FBXO34: variants seen among roughly 807,000 people sequenced by gnomAD.
FBXO34 encodes F-box protein 34.
Under a neutral mutation model 24.5 loss-of-function variants are expected in FBXO34, and 12 were observed. That is an observed-to-expected ratio of 0.49 (90% CI 0.31 to 0.79). The LOEUF is 0.79. Among genes scored for constraint, FBXO34 ranks in the 30% least tolerant of loss-of-function variants. The pLI, the probability that FBXO34 is intolerant of heterozygous loss-of-function variation, is 0.04. For missense variants in FBXO34, 823 were observed against 857.7 expected, an observed-to-expected ratio of 0.96 and a Z score of 0.51; for synonymous variants, 320 against 311.9, an observed-to-expected ratio of 1.03 and a Z score of -0.27.
downstream of FBXO34, chr14:55,369,816 C>T: frequency 2.5e-6 from 4 of 1,614,212 alleles, no homozygotes; most frequent in Non-Finnish European, 3.4e-6. Context: ...AGGTCGGTTT[C>T]TTCATCGCTG....
intron 1 of FBXO34, among the ~76,000 whole-genome samples, chr14:55,349,904 GC>G (rs1884287623): frequency 1.3e-5 from 2 of 151,976 alleles, no homozygotes; most frequent in Admixed American, 6.5e-5. Flanking sequence ...ACCATGCCCG[GC>G]CAGGAAGCAA....
the FBXO34 span, among the ~76,000 whole-genome samples, chr14:55,400,641 A>G: frequency 1.3e-5 from 2 of 152,136 alleles, no homozygotes; most frequent in South Asian, 4.1e-4. Flanking sequence ...GGTGGCTCAC[A>G]CCTGTAATCG....
chr14:55,375,273 A>C, the FBXO34 span, among the ~76,000 whole-genome samples: 1 of 152,176 alleles, frequency 6.6e-6, no homozygotes, highest in Non-Finnish European at 1.5e-5. Flanking sequence ...TTTTTCCATT[A>C]AATTTCCAAA....
the FBXO34 span, among the ~76,000 whole-genome samples, chr14:55,421,072 A>AAG: frequency 9.9e-5 from 15 of 151,588 alleles, no homozygotes; most frequent in Admixed American, 5.3e-4. Context: ...AAAAAAAAAA[A>AAG]AAAAAAGAAA....
At chr14:55,368,624 A>T (rs1884739097), downstream of FBXO34, 2 of 152,188 alleles carry the variant, frequency 1.3e-5, no homozygotes, top group Non-Finnish European at 2.9e-5. Flanking sequence ...CCTCAGAGCA[A>T]CAAAGAGTTC....
the FBXO34 span, among the ~76,000 whole-genome samples, chr14:55,412,302 C>T: frequency 6.6e-6 from 1 of 152,172 alleles, no homozygotes; most frequent in African/African-American, 2.4e-5. Context: ...GGGGCAAGTT[C>T]CTTAATCTCT....
chr14:55,431,117 C>A, the FBXO34 span, among the ~76,000 whole-genome samples: 5 of 152,178 alleles, frequency 3.3e-5, no homozygotes, highest in Admixed American at 6.5e-5. Flanking sequence ...ACACAGGTAT[C>A]CCTCATACTC....
the FBXO34 span, among the ~76,000 whole-genome samples, chr14:55,416,983 C>G: frequency 6.6e-6 from 1 of 152,096 alleles, no homozygotes; most frequent in Non-Finnish European, 1.5e-5. Flanking sequence ...GACTTCAGAC[C>G]GAAAATCATA....
downstream of FBXO34, chr14:55,369,602 G>GT: frequency 6.7e-7 from 1 of 1,495,846 alleles, no homozygotes; most frequent in Non-Finnish European, 8.9e-7. Context: ...GATTTGGTAT[G>GT]TTTTGGTCCA....
the FBXO34 span, chr14:55,395,300 C>A: frequency 3.6e-6 from 1 of 278,222 alleles, no homozygotes; most frequent in Non-Finnish European, 7.3e-6. Context: ...CTCAGCAAAG[C>A]CGGGCTGCCT....
intron 1 of FBXO34, among the ~76,000 whole-genome samples, chr14:55,323,184 CAAAAAAAAAAAAAAAAAAAA>C (rs368380622): frequency 2.5e-4 from 3 of 12,168 alleles, no homozygotes; most frequent in Non-Finnish European, 3.8e-4. Flanking sequence ...GACTCTGTCT[CAAAAAAAAAAAAAAAAAAAA>C]AAAAAAAAAA....
chr14:55,325,487 T>A (rs550706182), intron 1 of FBXO34, among the ~76,000 whole-genome samples: 10 of 152,190 alleles, frequency 6.6e-5, no homozygotes, highest in African/African-American at 1.9e-4. Context: ...AAATTATTTT[T>A]TTTTTGAGAT....
chr14:55,366,783 TTAAAC>T (rs1422948283), downstream of FBXO34: 1 of 152,674 alleles, frequency 6.5e-6, no homozygotes, highest in African/African-American at 2.4e-5. Context: ...GGCTTTTTGT[TTAAAC>T]AAAATACCAG....
Position 55,330,186 on chromosome 14 carries a change from C to A in FBXO34, c.-10-20195C>A, listed in dbSNP as rs530344564. Among the ~76,000 whole-genome samples, 24 of 152,210 alleles carry A rather than the reference C, an allele frequency of 1.6e-4. No individual in the cohort carries two copies. In the South Asian group the frequency reaches 4.8e-3, roughly 30 times the overall value. On this transcript the variant is annotated intron_variant, in intron 1 of 1. Transcript: ENST00000313833. Reference sequence around the variant, plus strand: ...GCGACTTAAAAATCTGACATTTTAACCTGATTGGTGGGTGTTCTTTCCACA... The same window carrying A: ...GCGACTTAAAAATCTGACATTTTAAACTGATTGGTGGGTGTTCTTTCCACA...
At chr14:55,328,257 C>T (rs572555668) in intron 1 of FBXO34, among the ~76,000 whole-genome samples, 11 of 151,990 alleles carry the variant, frequency 7.2e-5, no homozygotes, top group African/African-American at 1.5e-4. Flanking sequence ...CATACCTGGC[C>T]GATGTTTTTT....
chr14:55,370,222 T>A, downstream of FBXO34, among the ~76,000 whole-genome samples: 1 of 152,218 alleles, frequency 6.6e-6, no homozygotes, highest in East Asian at 1.9e-4. Flanking sequence ...CCCATGCTGG[T>A]CCTAAGTCTG....
At chr14:55,369,876 C>T (rs866680281), downstream of FBXO34, 1 of 1,614,088 alleles carries the variant, frequency 6.2e-7, no homozygotes. Context: ...CCGGGATCCA[C>T]AAATTCCATG....
chr14:55,429,125 A>G, the FBXO34 span: 3 of 919,122 alleles, frequency 3.3e-6, no homozygotes, highest in Non-Finnish European at 4.8e-6. Context: ...TACTTCCCAT[A>G]CTTTCGTCCC....
the FBXO34 span, chr14:55,436,567 T>C: frequency 1.9e-6 from 3 of 1,613,370 alleles, no homozygotes; most frequent in Non-Finnish European, 2.5e-6. Context: ...TTACTGTAGT[T>C]GAGGTACAAT....
Sources: allele counts gnomAD v4.1 joint callset (sites outside exome capture counted in the v4.1 genomes callset), GRCh38; gene constraint gnomAD v4.1.1; transcripts MANE v1.5; gene names NCBI Gene and HGNC (gene_info 2026-07-23, HGNC 2026-07-21).